The following TRIM44 variants were observed in gnomAD, a reference collection of about 807,000 sequenced individuals.
The protein encoded by TRIM44 is tripartite motif-containing protein 44.
TRIM44 carries 13 observed loss-of-function variants against 37.4 expected under a neutral mutation model. That is an observed-to-expected ratio of 0.35 (90% CI 0.23 to 0.55). The LOEUF (loss-of-function observed/expected upper bound fraction) is 0.55. TRIM44 is among the 20% of genes least tolerant of loss of function. TRIM44 has a pLI of 0.89. For synonymous variants in TRIM44, 175 were observed against 157.2 expected, an observed-to-expected ratio of 1.11 and a Z score of -0.85; for missense variants, 426 against 437.2, an observed-to-expected ratio of 0.97 and a Z score of 0.23.
chr11:35,664,311 G>A (rs934483225), intron 1 of TRIM44, among the ~76,000 whole-genome samples: 2 of 152,216 alleles, frequency 1.3e-5, no homozygotes, highest in Non-Finnish European at 2.9e-5. Flanking sequence ...TAGAAAAGGA[G>A]GGTAAGAAGA....
chr11:35,686,370 TTTTG>T (rs1851581188), intron 2 of TRIM44, among the ~76,000 whole-genome samples: 4 of 150,632 alleles, frequency 2.7e-5, no homozygotes, highest in African/African-American at 9.9e-5. Flanking sequence ...TTGTTTTTGT[TTTTG>T]TTTTTTTTTT....
At position 35,816,854 on chromosome 11, in the gene TRIM44, G is replaced by A. The variant is rs573544946; in HGVS notation, c.*10469G>A. ...CTTCTGACTGTTGTGCTGGAGTCCT[G>A]TTAGAGATTCAGTAGATGGAGCCAC... On this transcript the variant is annotated 3_prime_UTR_variant, in exon 5 of 5. Coordinates refer to ENST00000299413, the MANE Select transcript of TRIM44 (RefSeq NM_017583.6). 4 of 152,418 alleles carry A rather than the reference G, an allele frequency of 2.6e-5. 1 individual carries two copies. The East Asian group carries it at 5.8e-4, about 22-fold the overall frequency. The allele number at this position is 152,418 out of a possible 1,614,324, so 9.4% of individuals were successfully genotyped here. A position where few individuals can be genotyped will look rare whatever the true frequency, so the allele number is the denominator to read the frequency against.
At chr11:35,689,994 G>A (rs1380407160) in intron 2 of TRIM44, among the ~76,000 whole-genome samples, 1 of 152,200 alleles carries the variant, frequency 6.6e-6, no homozygotes, top group Non-Finnish European at 1.5e-5. Flanking sequence ...TAGCACAGTT[G>A]TGTGTCTTGA....
chr11:35,779,479 GTACC>G (rs967262978), intron 4 of TRIM44, among the ~76,000 whole-genome samples: 2 of 152,082 alleles, frequency 1.3e-5, no homozygotes, highest in Non-Finnish European at 2.9e-5. Context: ...GATGAACCTG[GTACC>G]TCAGTTGGAA....
intron 4 of TRIM44, among the ~76,000 whole-genome samples, chr11:35,756,040 A>G (rs995571959): frequency 1.1e-4 from 17 of 152,232 alleles, no homozygotes; most frequent in African/African-American, 4.1e-4. Context: ...AATTCTGTGA[A>G]GAAAGTCATT....
At chr11:35,758,512 A>G (rs1374176577) in intron 4 of TRIM44, among the ~76,000 whole-genome samples, 1 of 152,050 alleles carries the variant, frequency 6.6e-6, no homozygotes, top group Non-Finnish European at 1.5e-5. Flanking sequence ...TAAGATTAAT[A>G]TTGTTATGTG....
chr11:35,789,713 G>A (rs1040147375), intron 4 of TRIM44, among the ~76,000 whole-genome samples: 22 of 152,108 alleles, frequency 1.4e-4, no homozygotes, highest in African/African-American at 5.1e-4. Context: ...GAGGGCGACC[G>A]GGCCTTACTC....
intron 1 of TRIM44, among the ~76,000 whole-genome samples, chr11:35,669,474 T>TTATG (rs1318935069): frequency 2.6e-4 from 39 of 151,708 alleles, no homozygotes; most frequent in Admixed American, 7.9e-4. Flanking sequence ...ATTTATTTAT[T>TTATG]TATTTATTTA....
intron 2 of TRIM44, among the ~76,000 whole-genome samples, chr11:35,723,433 C>T (rs1040784718): frequency 2.6e-5 from 4 of 152,196 alleles, no homozygotes; most frequent in Non-Finnish European, 5.9e-5. Flanking sequence ...TTGTAACTAA[C>T]ATGCCAAAGG....
chr11:35,729,983 A>G (rs1852234026), intron 3 of TRIM44, among the ~76,000 whole-genome samples: 1 of 152,222 alleles, frequency 6.6e-6, no homozygotes, highest in Admixed American at 6.5e-5. Context: ...TCTCAAAAAT[A>G]AAATGAAATG....
intron 4 of TRIM44, among the ~76,000 whole-genome samples, chr11:35,792,107 A>ACT (rs1853222540): frequency 2.6e-5 from 2 of 75,648 alleles, no homozygotes; most frequent in Admixed American, 1.2e-4. Flanking sequence ...ACACACACAC[A>ACT]CACACTCTCT....
At chr11:35,738,907 G>A (rs1470902947) in intron 4 of TRIM44, among the ~76,000 whole-genome samples, 1 of 152,146 alleles carries the variant, frequency 6.6e-6, no homozygotes, top group Admixed American at 6.5e-5. Flanking sequence ...CTACATAGAA[G>A]TTCAAAGAGA....
At chr11:35,709,061 C>T (rs766414892) in intron 2 of TRIM44, among the ~76,000 whole-genome samples, 1 of 151,776 alleles carries the variant, frequency 6.6e-6, no homozygotes, top group Non-Finnish European at 1.5e-5. Flanking sequence ...GTAAAACGTA[C>T]CCCATTACTT....
At chr11:35,698,357 C>A (rs996698963) in intron 2 of TRIM44, among the ~76,000 whole-genome samples, 1 of 106,352 alleles carries the variant, frequency 9.4e-6, no homozygotes, top group Non-Finnish European at 1.8e-5. Flanking sequence ...TGAGGAATCG[C>A]CACACTCACT....
intron 3 of TRIM44, among the ~76,000 whole-genome samples, chr11:35,732,527 C>G (rs1244198878): frequency 6.6e-6 from 1 of 152,106 alleles, no homozygotes; most frequent in East Asian, 1.9e-4. Context: ...GCGGTGAATA[C>G]AGAAATGAGC....
In TRIM44 at chr11:35,663,426, C is replaced by G; in HGVS notation, c.315C>G (p.Ser105Arg). ...AGEESESEEE[S>R]ESEEESETEE... is the part of the protein sequence containing the mutation. ...AAGAGAGTGAGTCGGAGGAAGAGAG[C>G]GAGTCAGAGGAAGAGAGCGAGACAG... is the stretch of plus-strand genomic sequence containing the variant. The change falls in exon 1 of 5, where the codon AGC becomes AGG. Residue 105 changes from serine (S) to arginine (R), a missense_variant. Ser to Arg is a moderately radical substitution (Grantham distance 110). This residue lies in a region of TRIM44 where 331 missense variants were observed against 303.0 expected (regional missense o/e 1.09). Coordinates refer to ENST00000299413, the MANE Select transcript of TRIM44 (RefSeq NM_017583.6). The G allele has an allele frequency of 6.4e-7, 1 of 1,569,900 alleles. No homozygotes were observed. Among genetic ancestry groups the G allele is most frequent in the East Asian group, 2.4e-5 (1 of 42,544 alleles).
chr11:35,689,399 G>A (rs1851615912), intron 2 of TRIM44, among the ~76,000 whole-genome samples: 2 of 152,188 alleles, frequency 1.3e-5, no homozygotes, highest in South Asian at 2.1e-4. Context: ...CCTCTATATC[G>A]TGGAAGAAGA....
chr11:35,708,870 C>G (rs1851926633), intron 2 of TRIM44, among the ~76,000 whole-genome samples: 2 of 151,538 alleles, frequency 1.3e-5, no homozygotes, highest in Admixed American at 1.3e-4. Context: ...CTGTAACTAA[C>G]CTGCACATTG....
intron 2 of TRIM44, among the ~76,000 whole-genome samples, chr11:35,725,224 A>G (rs1440120857): frequency 6.6e-6 from 1 of 152,206 alleles, no homozygotes; most frequent in Non-Finnish European, 1.5e-5. Context: ...TCATTTATAT[A>G]AAAACTACTT....
Sources: allele counts gnomAD v4.1 joint callset (sites outside exome capture counted in the v4.1 genomes callset), GRCh38; gene constraint gnomAD v4.1.1; regional missense constraint gnomAD v4.1.1; transcripts MANE v1.5; gene names NCBI Gene and HGNC (gene_info 2026-07-23, HGNC 2026-07-21).